PAK3: variants seen among roughly 807,000 people sequenced by gnomAD.
PAK3 encodes the protein p21 (RAC1) activated kinase 3.
Under a neutral mutation model 41.0 loss-of-function variants are expected in PAK3, and 4 were observed. That is an observed-to-expected ratio of 0.10 (90% CI 0.05 to 0.22). The LOEUF (loss-of-function observed/expected upper bound fraction) is 0.22. Among genes scored for constraint, PAK3 ranks in the 10% least tolerant of loss-of-function variants. The pLI, the probability that PAK3 is intolerant of heterozygous loss-of-function variation, is 1.00. For synonymous variants in PAK3, 146 were observed against 139.6 expected, an observed-to-expected ratio of 1.05 and a Z score of -0.32; for missense variants, 205 against 409.9, an observed-to-expected ratio of 0.50 and a Z score of 4.32.
At chrX:111,171,028 C>G (rs1325909612) in intron 10 of PAK3, among the ~76,000 whole-genome samples, 1 of 110,682 alleles carries the variant, frequency 9.0e-6, no homozygotes, top group African/African-American at 3.3e-5. Flanking sequence ...CTGTCCAGGA[C>G]AGACTCATTT....
intron 5 of PAK3, among the ~76,000 whole-genome samples, chrX:111,127,632 G>A (rs2149027152): frequency 9.0e-6 from 1 of 110,943 alleles, no homozygotes; most frequent in Non-Finnish European, 1.9e-5. Flanking sequence ...CATATGGGTT[G>A]ATTTTATTTT....
intron 13 of PAK3, among the ~76,000 whole-genome samples, chrX:111,193,348 CTTT>C (rs758912089): frequency 0.094 from 8,128 of 86,111 alleles, 1,226 homozygotes; most frequent in African/African-American, 0.35. Flanking sequence ...TTTTACAGTC[CTTT>C]TTTTTTTTTT....
intron 1 of PAK3, among the ~76,000 whole-genome samples, chrX:110,960,729 T>G (rs922163336): frequency 1.8e-5 from 2 of 111,967 alleles, no homozygotes; most frequent in Admixed American, 1.9e-4. Flanking sequence ...TCATCTCTAC[T>G]GCACTTTGAT....
At chrX:111,049,998 G>A (rs1318319626) in intron 1 of PAK3, among the ~76,000 whole-genome samples, 1 of 111,759 alleles carries the variant, frequency 8.9e-6, no homozygotes, top group Non-Finnish European at 1.9e-5. Flanking sequence ...ATAGCCATGA[G>A]AGTTCAAAGC....
At chrX:110,979,455 G>A (rs1179020673) in intron 1 of PAK3, among the ~76,000 whole-genome samples, 2 of 108,898 alleles carry the variant, frequency 1.8e-5, no homozygotes, top group African/African-American at 6.7e-5. Context: ...CCGCCACCTC[G>A]CCTGGCTAAT....
intron 1 of PAK3, among the ~76,000 whole-genome samples, chrX:111,061,876 A>G (rs367770778): frequency 1.0e-3 from 111 of 110,567 alleles, no homozygotes; most frequent in African/African-American, 3.6e-3. Flanking sequence ...ATACTGTGGC[A>G]CAATCACGGC....
chrX:111,165,983 T>C (rs2094249873), intron 10 of PAK3, among the ~76,000 whole-genome samples: 1 of 111,089 alleles, frequency 9.0e-6, no homozygotes, highest in South Asian at 3.8e-4. Flanking sequence ...GTTTTTTTTT[T>C]CTCTACTGGA....
intron 11 of PAK3, among the ~76,000 whole-genome samples, chrX:111,177,624 G>C (rs1395242138): frequency 1.8e-5 from 2 of 111,613 alleles, no homozygotes; most frequent in African/African-American, 6.5e-5. Flanking sequence ...AATATATCCG[G>C]TGCGCACTTG....
intron 4 of PAK3, among the ~76,000 whole-genome samples, chrX:111,111,105 C>T (rs773525314): frequency 2.7e-5 from 3 of 111,712 alleles, no homozygotes; most frequent in Non-Finnish European, 3.8e-5. Context: ...CTGATGGCCT[C>T]CAAACAAATA....
chrX:111,198,767 C>T (rs576182423), intron 16 of PAK3, among the ~76,000 whole-genome samples: 2 of 110,819 alleles, frequency 1.8e-5, no homozygotes, highest in African/African-American at 6.6e-5. Flanking sequence ...TAATATGATG[C>T]CTCCATCTTT....
intron 1 of PAK3, among the ~76,000 whole-genome samples, chrX:111,060,201 C>T (rs1423900714): frequency 1.8e-5 from 2 of 111,307 alleles, no homozygotes; most frequent in Admixed American, 9.5e-5. Flanking sequence ...GGGGTTTTCC[C>T]CTTTATTCAA....
At chrX:111,203,714 A>T (rs2094708599) in intron 16 of PAK3, among the ~76,000 whole-genome samples, 1 of 112,049 alleles carries the variant, frequency 8.9e-6, no homozygotes, top group South Asian at 3.7e-4. Context: ...ATCTCTAGTA[A>T]CTGAAAAGCA....
At chrX:111,180,817 AGAC>A (rs2094454881) in intron 11 of PAK3, among the ~76,000 whole-genome samples, 1 of 112,136 alleles carries the variant, frequency 8.9e-6, no homozygotes, top group Non-Finnish European at 1.9e-5. Context: ...AAATGGACAT[AGAC>A]ATTTAATTTG....
intron 1 of PAK3, among the ~76,000 whole-genome samples, chrX:110,991,143 G>GAAAAAGA (rs56052896): frequency 1.4e-4 from 15 of 106,491 alleles, no homozygotes; most frequent in South Asian, 4.2e-4. Context: ...AAAAAAAAAA[G>GAAAAAGA]AAAAGAAAAA....
chrX:111,053,801 A>G (rs1235946058), intron 1 of PAK3, among the ~76,000 whole-genome samples: 1 of 110,719 alleles, frequency 9.0e-6, no homozygotes, highest in Non-Finnish European at 1.9e-5. Context: ...ACACCACCAT[A>G]CTCCAAGGCA....
At chrX:111,163,823 A>G (rs540111425) in intron 10 of PAK3, 96 bp downstream of exon 10, 8 of 710,325 alleles carry the variant, frequency 1.1e-5, no homozygotes, top group African/African-American at 4.2e-5. Flanking sequence ...TAATCTGCTT[A>G]TATGAACTCC....
intron 11 of PAK3, among the ~76,000 whole-genome samples, chrX:111,189,120 T>A (rs1435332568): frequency 9.0e-6 from 1 of 111,281 alleles, no homozygotes; most frequent in Non-Finnish European, 1.9e-5. Flanking sequence ...TTGCCAGCTT[T>A]ATGTTCATGC....
chrX:111,152,007 G>A (rs1442864498), intron 7 of PAK3, among the ~76,000 whole-genome samples: 1 of 111,970 alleles, frequency 8.9e-6, no homozygotes, highest in Non-Finnish European at 1.9e-5. Context: ...CTCATGAATT[G>A]GTTATTTCTG....
intron 1 of PAK3, among the ~76,000 whole-genome samples, chrX:111,072,207 C>T (rs771840099): frequency 4.5e-4 from 51 of 112,651 alleles, no homozygotes; most frequent in African/African-American, 1.3e-3. Flanking sequence ...TTCATATCTA[C>T]GAAATTGCTA....
Sources: gnomAD v4.1 joint callset for allele counts (sites outside exome capture counted in the v4.1 genomes callset) on GRCh38, gnomAD v4.1.1 for gene constraint, MANE v1.5 for transcripts, NCBI Gene and HGNC (gene_info 2026-07-23, HGNC 2026-07-21) for gene names.